The following STAU2 variants were observed in gnomAD, a reference collection of about 807,000 sequenced individuals.
The protein encoded by STAU2 is staufen double-stranded RNA binding protein 2.
Under a neutral mutation model 65.9 loss-of-function variants are expected in STAU2, and 20 were observed. The ratio of observed to expected loss-of-function variants is 0.30; its 90% CI spans 0.21 to 0.44. STAU2 has a LOEUF of 0.44. STAU2 is among the 20% of genes least tolerant of loss of function. The pLI, the probability that STAU2 is intolerant of heterozygous loss-of-function variation, is 1.00. For missense variants in STAU2, 558 were observed against 683.9 expected (o/e 0.82, Z 2.05); for synonymous variants, 232 against 233.9 (o/e 0.99, Z 0.07).
At chr8:73,686,544 C>A (rs13269906) in intron 5 of STAU2, among the ~76,000 whole-genome samples, 146,997 of 147,080 alleles carry the variant, frequency 1, 73,457 homozygotes, top group Middle Eastern at 1. Flanking sequence ...GCGAGACTCC[C>A]CCTCAAAAAA....
intron 11 of STAU2, among the ~76,000 whole-genome samples, chr8:73,589,650 T>C (rs1396743478): frequency 6.6e-6 from 1 of 152,120 alleles, no homozygotes; most frequent in African/African-American, 2.4e-5. Context: ...GTTGAACTTG[T>C]AGACAAATCA....
chr8:73,585,255 C>T (rs745442476), intron 11 of STAU2, among the ~76,000 whole-genome samples: 4 of 152,182 alleles, frequency 2.6e-5, no homozygotes, highest in Non-Finnish European at 2.9e-5. Flanking sequence ...CCGAGGCGAG[C>T]GGCTCACCTG....
chr8:73,583,941 T>A (rs1810180199), intron 11 of STAU2, among the ~76,000 whole-genome samples: 1 of 152,218 alleles, frequency 6.6e-6, no homozygotes, highest in Non-Finnish European at 1.5e-5. Context: ...ATATTTATGT[T>A]AACGGTCAAA....
intron 4 of STAU2, among the ~76,000 whole-genome samples, chr8:73,699,549 CAAAAAATT>C (rs939942852): frequency 5.3e-5 from 8 of 151,812 alleles, no homozygotes; most frequent in African/African-American, 1.9e-4. Context: ...AACTATATGC[CAAAAAATT>C]GAAAAATCTT....
At chr8:73,491,032 C>T (rs932699823) in intron 13 of STAU2, among the ~76,000 whole-genome samples, 1 of 151,990 alleles carries the variant, frequency 6.6e-6, no homozygotes, top group Admixed American at 6.6e-5. Flanking sequence ...AAATCCTCGG[C>T]AGTAAAACTG....
chr8:73,641,837 G>T (rs925181990), intron 6 of STAU2, among the ~76,000 whole-genome samples: 1 of 152,046 alleles, frequency 6.6e-6, no homozygotes, highest in Non-Finnish European at 1.5e-5. Context: ...CATCCCTTTG[G>T]GTTCTAAATT....
chr8:73,719,231 G>A lies in STAU2; in HGVS notation c.-17-10069C>T, dbSNP rs563513495. ...ATCTTGGCCAACCTGGTGAAACCCCGTCTCTACTAAAAAATACAAAAAAAT... is the reference window on the plus strand; with the variant it reads ...ATCTTGGCCAACCTGGTGAAACCCCATCTCTACTAAAAAATACAAAAAAAT... On this transcript the variant is annotated intron_variant, in intron 3 of 14. Transcript: ENST00000524300. 8.0e-4 allele frequency among the ~76,000 whole-genome samples: 121 copies of A among 152,166 alleles called. 1 individual carries two copies. The highest frequency in any genetic ancestry group is 1.4e-3 in the Non-Finnish European group (97 of 67,996).
intron 13 of STAU2, among the ~76,000 whole-genome samples, chr8:73,449,096 C>A (rs561287776): frequency 1.3e-5 from 2 of 152,344 alleles, no homozygotes; most frequent in Admixed American, 6.5e-5. Context: ...CAGCCAACAG[C>A]GGCCTTCGAG....
chr8:73,516,181 C>G (rs1292306894), intron 13 of STAU2, among the ~76,000 whole-genome samples: 1 of 151,922 alleles, frequency 6.6e-6, no homozygotes, highest in Non-Finnish European at 1.5e-5. Context: ...CTCAAGCAGT[C>G]TGCCCACCTT....
At chr8:73,546,148 G>GTTTTTTTTTTTTTTTTTTTTTTTTT (rs1563412799) in intron 13 of STAU2, among the ~76,000 whole-genome samples, 1 of 116,462 alleles carries the variant, frequency 8.6e-6, no homozygotes, top group African/African-American at 3.7e-5. Flanking sequence ...TTTTTTTTTG[G>GTTTTTTTTTTTTTTTTTTTTTTTTT]TAGAGACAGA....
upstream of STAU2, chr8:73,747,046 G>T (rs1025038964): frequency 4.6e-6 from 1 of 219,702 alleles, no homozygotes; most frequent in Non-Finnish European, 8.0e-6. Context: ...GCCTCCCGCC[G>T]GCCCGCGACC....
At chr8:73,521,299 G>A (rs946881211) in intron 13 of STAU2, among the ~76,000 whole-genome samples, 7 of 152,076 alleles carry the variant, frequency 4.6e-5, no homozygotes, top group African/African-American at 1.7e-4. Flanking sequence ...TTGAATCCTA[G>A]TCAAAGCATA....
chr8:73,622,251 C>A (rs1422910716), intron 6 of STAU2, among the ~76,000 whole-genome samples: 3 of 119,966 alleles, frequency 2.5e-5, no homozygotes, highest in Non-Finnish European at 4.9e-5. Flanking sequence ...CTCAGCCTCC[C>A]GAGTAGCTGG....
chr8:73,725,359 A>T (rs553314562), intron 3 of STAU2, among the ~76,000 whole-genome samples: 55 of 152,294 alleles, frequency 3.6e-4, no homozygotes, highest in African/African-American at 9.9e-4. Context: ...ATATCATTCC[A>T]CTTCATGTTT....
rs368947974 is a variant in STAU2, at chr8:73,477,036, C to T, written c.1531-54334G>A. ...ACTGGAGCTCAAATGAGATAATCCA[C>T]GTGAACAGCAGGATAACACTTCCTG... On this transcript the variant is annotated intron_variant, in intron 13 of 14. Coordinates refer to ENST00000524300, the MANE Select transcript of STAU2 (RefSeq NM_001164380.2). 1.3e-4 allele frequency among the ~76,000 whole-genome samples: 20 copies of T among 152,286 alleles called. 1 individual carries two copies. The highest frequency in any genetic ancestry group is 3.8e-4 in the African/African-American group (16 of 41,562).
At chr8:73,423,854 G>A (rs1269317214) in intron 13 of STAU2, among the ~76,000 whole-genome samples, 2 of 152,050 alleles carry the variant, frequency 1.3e-5, no homozygotes, top group Non-Finnish European at 2.9e-5. Context: ...ATCTTGCATT[G>A]GTATGGTACA....
intron 13 of STAU2, among the ~76,000 whole-genome samples, chr8:73,432,264 A>G (rs1010264500): frequency 6.6e-6 from 1 of 152,254 alleles, no homozygotes; most frequent in Non-Finnish European, 1.5e-5. Flanking sequence ...AAATGAACAC[A>G]GTAGTCATAT....
Position 73,715,512 on chromosome 8 carries a change from C to T in STAU2, c.-17-6350G>A, listed in dbSNP as rs971995640. Among the ~76,000 whole-genome samples, 11 of 151,174 alleles carry T rather than the reference C, an allele frequency of 7.3e-5. No individual in the cohort carries two copies. In the Middle Eastern group the frequency reaches 0.01, roughly 144 times the overall value. ...CAAATTCCAGTGATATATAATTTTC[C>T]CCTATTAGACTGATAAAGATTTTTT... On this transcript the variant is annotated intron_variant, in intron 3 of 14. Coordinates refer to ENST00000524300, the MANE Select transcript of STAU2 (RefSeq NM_001164380.2).
chr8:73,613,723 T>C (rs369049241), intron 9 of STAU2, 21 bp downstream of exon 9: 2 of 1,557,856 alleles, frequency 1.3e-6, no homozygotes, highest in Non-Finnish European at 1.7e-6. Flanking sequence ...AACTGACTGA[T>C]GTTCACAAAT....
Sources: gnomAD v4.1 joint callset for allele counts (sites outside exome capture counted in the v4.1 genomes callset) on GRCh38, gnomAD v4.1.1 for gene constraint, MANE v1.5 for transcripts, NCBI Gene and HGNC (gene_info 2026-07-23, HGNC 2026-07-21) for gene names.